Variants in ATP13A5 observed in about 807,000 individuals in gnomAD.
ATP13A5 encodes ATPase 13A5, also known as probable cation-transporting ATPase 13A5.
A neutral mutation model predicts 150.2 loss-of-function variants in ATP13A5; 149 were observed. The ratio of observed to expected loss-of-function variants is 0.99; its 90% CI spans 0.87 to 1.14. The LOEUF is 1.14. ATP13A5 is among the 50% of genes most tolerant of loss of function. ATP13A5 has a pLI of 0.00. For synonymous variants in ATP13A5, 497 were observed against 522.2 expected (o/e 0.95, Z 0.66); for missense variants, 1,383 against 1,449.3 (o/e 0.95, Z 0.74).
rs913520598 is a variant in ATP13A5 at position 193,335,599 on chromosome 3, C to T, written c.944-500G>A. Among the ~76,000 whole-genome samples, 3 of 152,128 alleles carry T rather than the reference C, an allele frequency of 2.0e-5. No homozygotes were observed. The South Asian group carries it at 6.2e-4, about 32-fold the overall frequency. ...GAACAAGAGAGACAGAAATCTTGCC[C>T]TCATAAGCTCATGGAGCAAGGTGAG... On this transcript the variant is annotated intron_variant, in intron 9 of 29. Transcript: ENST00000342358.
chr3:193,354,269 A>G (rs1463133764), intron 5 of ATP13A5, 73 bp from the exon 6 acceptor site: 1 of 1,335,896 alleles, frequency 7.5e-7, no homozygotes, highest in East Asian at 2.3e-5. Flanking sequence ...CAAACTAAAC[A>G]GAAGTCATTT....
chr3:193,352,556 C>T (rs1456352281), intron 6 of ATP13A5, among the ~76,000 whole-genome samples: 1 of 151,728 alleles, frequency 6.6e-6, no homozygotes, highest in Non-Finnish European at 1.5e-5. Flanking sequence ...GCACTCCTTT[C>T]AAATTAGAAC....
intron 29 of ATP13A5, 36 bp from the exon 30 acceptor site, chr3:193,275,338 C>T (rs200936207): frequency 2.8e-5 from 45 of 1,602,696 alleles, no homozygotes; most frequent in Admixed American, 2.2e-4. Flanking sequence ...CAATTTATTG[C>T]GCAGGTCCCC....
Position 193,285,006 on chromosome 3 carries a change from G to A in ATP13A5, c.3134C>T (p.Thr1045Ile), listed in dbSNP as rs1242378383. 6.8e-6 allele frequency: 11 copies of A among 1,614,070 alleles called. No individual in the cohort carries two copies. Among genetic ancestry groups the A allele is most frequent in the Non-Finnish European group, 9.3e-6 (11 of 1,179,964 alleles). Residue 1045 changes from threonine to isoleucine, a missense_variant, in exon 27 of 30, where the codon ACC becomes ATC. Thr to Ile is a moderately conservative substitution (Grantham distance 89, BLOSUM62 -1). Around this residue, in one of 3 missense-constraint regions of ATP13A5, gnomAD observed 568 missense variants for 621.5 expected, o/e 0.91. Transcript: ENST00000342358. ...IPGSILSFETTTLWPITTINY... is the reference protein window; with the variant it reads ...IPGSILSFETITLWPITTINY... The stretch of plus-strand genomic sequence containing the variant: ...GATGGTGGTGATGGGCCACAGTGTG[G>A]TGGTCTCAAAACTTAAAATTGAACC...
intron 23 of ATP13A5, among the ~76,000 whole-genome samples, chr3:193,303,589 TA>T (rs953813389): frequency 1.3e-5 from 2 of 151,978 alleles, no homozygotes; most frequent in African/African-American, 2.4e-5. Flanking sequence ...ATTTCTCCTT[TA>T]AAAAAATTCA....
intron 28 of ATP13A5, chr3:193,277,649 TAATC>T (rs1219066486): frequency 6.6e-5 from 10 of 152,334 alleles, no homozygotes; most frequent in South Asian, 2.1e-4. Flanking sequence ...GAGACAGTCT[TAATC>T]AAGTTGTGAA....
At chr3:193,302,066 C>T (rs1296033872) in intron 23 of ATP13A5, among the ~76,000 whole-genome samples, 3 of 152,146 alleles carry the variant, frequency 2.0e-5, no homozygotes, top group Admixed American at 2.0e-4. Context: ...AGTGGGACCT[C>T]AGCAAACCAG....
In ATP13A5 at chr3:193,378,652, G is replaced by T. The variant is rs778522194; in HGVS notation, c.63+11C>A. ...CTTTGAGAAGACTAATAAAATAAAG[G>T]GAAGACTCACCAGTTCATCCTCCTC... On this transcript the variant is annotated intron_variant, in intron 1 of 29. Transcript: ENST00000342358. 6 of 1,612,130 alleles carry T rather than the reference G, an allele frequency of 3.7e-6. No homozygotes were observed. The highest frequency in any genetic ancestry group is 4.2e-6 in the Non-Finnish European group (5 of 1,178,438).
At chr3:193,298,182 G>GT (rs1311612237) in intron 25 of ATP13A5, among the ~76,000 whole-genome samples, 4 of 151,714 alleles carry the variant, frequency 2.6e-5, no homozygotes, top group South Asian at 2.1e-4. Context: ...ACCTCTTGGT[G>GT]TTTTTTTTCT....
intron 11 of ATP13A5, 32 bp downstream of exon 11, chr3:193,333,718 T>C (rs756938933): frequency 7.5e-6 from 12 of 1,597,352 alleles, no homozygotes; most frequent in East Asian, 2.2e-5. Flanking sequence ...GCAGAATCTA[T>C]ACTATTGAAA....
At chr3:193,300,913 A>T (rs927218543) in intron 24 of ATP13A5, among the ~76,000 whole-genome samples, 6 of 152,184 alleles carry the variant, frequency 3.9e-5, no homozygotes. Flanking sequence ...GCTGAATTAT[A>T]CTTAGGCTGC....
rs1717122868 is a variant in ATP13A5, at chr3:193,275,063, C to T, written c.3636G>A (p.Gln1212=). The change falls in exon 30 of 30, where the codon CAG becomes CAA. Residue 1212 remains glutamine, a synonymous_variant. Transcript: ENST00000342358. ...CTGATTACAGCCTGGCCCAGAAATG[C>T]TGTTCTGTGGGTTGGCCTCCCAATT... ...KLKLGGQPTE[Q]HFWARL is the part of the protein sequence containing the mutation. 2 of 1,614,170 alleles carry T rather than the reference C, an allele frequency of 1.2e-6. No homozygotes were observed. The highest frequency in any genetic ancestry group is 1.7e-6 in the Non-Finnish European group (2 of 1,180,036).
chr3:193,299,030 A>C, intron 25 of ATP13A5, 101 bp downstream of exon 25: 2 of 907,650 alleles, frequency 2.2e-6, no homozygotes, highest in South Asian at 1.6e-5. Flanking sequence ...AGGTTTTGGA[A>C]ATAAGGGTGC....
chr3:193,329,742 C>T (rs1468961725), intron 12 of ATP13A5, among the ~76,000 whole-genome samples: 1 of 152,160 alleles, frequency 6.6e-6, no homozygotes, highest in African/African-American at 2.4e-5. Flanking sequence ...GGGGACCAAG[C>T]CTGGTCGAGT....
chr3:193,284,844 G>T, intron 27 of ATP13A5, 70 bp downstream of exon 27: 1 of 1,244,814 alleles, frequency 8.0e-7, no homozygotes, highest in Non-Finnish European at 1.1e-6. Flanking sequence ...TCACCAGTGA[G>T]GTACAACTCT....
chr3:193,277,431 T>TC (rs1473628708), intron 28 of ATP13A5, among the ~76,000 whole-genome samples: 1 of 152,134 alleles, frequency 6.6e-6, no homozygotes, highest in African/African-American at 2.4e-5. Flanking sequence ...CACGGCTGCA[T>TC]CCATAGCAAA....
At chr3:193,279,976 T>TAAAAAAAA (rs57617984) in intron 27 of ATP13A5, among the ~76,000 whole-genome samples, 2 of 59,886 alleles carry the variant, frequency 3.3e-5, no homozygotes, top group African/African-American at 7.8e-5. Flanking sequence ...GTGTCTTTGT[T>TAAAAAAAA]AAAAAAAAAA....
chr3:193,309,930 T>C (rs892003061), intron 21 of ATP13A5, among the ~76,000 whole-genome samples: 7 of 152,190 alleles, frequency 4.6e-5, no homozygotes, highest in Admixed American at 4.6e-4. Flanking sequence ...AGGGAACTCA[T>C]GTCACGGAGG....
intron 1 of ATP13A5, among the ~76,000 whole-genome samples, chr3:193,374,773 C>T (rs562507157): frequency 8.5e-5 from 13 of 152,220 alleles, no homozygotes; most frequent in South Asian, 4.2e-4. Context: ...AAGGTTCTTG[C>T]GCTGGGAGGT....
Sources: gnomAD v4.1 joint callset for allele counts (sites outside exome capture counted in the v4.1 genomes callset) on GRCh38, gnomAD v4.1.1 for gene constraint, gnomAD v4.1.1 regional missense constraint, MANE v1.5 for transcripts, NCBI Gene and HGNC (gene_info 2026-07-23, HGNC 2026-07-21) for gene names.